PTGES: variants seen among roughly 807,000 people sequenced by gnomAD.
The protein encoded by PTGES is MGST1-like 1.
Under a neutral mutation model 11.8 loss-of-function variants are expected in PTGES, and 3 were observed. That is an observed-to-expected ratio of 0.25 (90% CI 0.12 to 0.66). PTGES has a LOEUF of 0.66. Ranked by LOEUF, PTGES falls within the 30% of genes least tolerant of loss-of-function variation. The pLI is 0.82. For synonymous variants in PTGES, 94 were observed against 90.4 expected (o/e 1.04, Z -0.22); for missense variants, 180 against 213.0 (o/e 0.85, Z 0.96).
rs113731267 is a variant in PTGES, at chr9:129,748,345, C to T, written c.209+310G>A. ...CAAATCTCTGTGGGAAGATGCATGG[C>T]CATTGGCAGGAGTGTTTGCCCCTGG... On this transcript the variant is annotated intron_variant, in intron 2 of 2. Transcript: ENST00000340607. Among the ~76,000 whole-genome samples, 173 of 152,156 alleles carry T rather than the reference C, an allele frequency of 1.1e-3. 1 individual carries two copies. The highest frequency in any genetic ancestry group is 3.8e-3 in the African/African-American group (158 of 41,492).
At chr9:129,743,585 G>T (rs2130951281) in intron 2 of PTGES, among the ~76,000 whole-genome samples, 1 of 152,318 alleles carries the variant, frequency 6.6e-6, no homozygotes, top group East Asian at 1.9e-4. Context: ...CCAGGACAGG[G>T]ACAGCTGCTG....
At chr9:129,750,723 G>A (rs1053518836) in intron 1 of PTGES, among the ~76,000 whole-genome samples, 1 of 152,162 alleles carries the variant, frequency 6.6e-6, no homozygotes, top group Non-Finnish European at 1.5e-5. Context: ...GACAAACATT[G>A]GTGGGGCGTT....
At chr9:129,746,222 C>G (rs905203247) in intron 2 of PTGES, among the ~76,000 whole-genome samples, 19 of 152,064 alleles carry the variant, frequency 1.2e-4, no homozygotes, top group African/African-American at 4.6e-4. Context: ...CTGGGAGGAG[C>G]CAAAACGCAT....
At chr9:129,750,373 C>A (rs1477550241) in intron 1 of PTGES, among the ~76,000 whole-genome samples, 1 of 152,238 alleles carries the variant, frequency 6.6e-6, no homozygotes, top group African/African-American at 2.4e-5. Flanking sequence ...GAGATTGGAA[C>A]CTTCACACCC....
rs1363950347 is a variant in PTGES at position 129,739,843 on chromosome 9, A to G, written c.227T>C (p.Met76Thr). The G allele has an allele frequency of 1.3e-6, 2 of 1,569,168 alleles. No homozygotes were observed. The highest frequency in any genetic ancestry group is 1.2e-5 in the South Asian group (1 of 85,170). The change falls in exon 3 of 3, where the codon ATG becomes ACG. Residue 76 changes from methionine (M) to threonine (T), a missense_variant. Met to Thr is a moderately conservative substitution (Grantham distance 81, BLOSUM62 -1). Transcript: ENST00000340607. This position sits in a 1 kb window ranked among gnomAD's most constrained non-coding sequence, Gnocchi z 5.7. ...ERCLRAHRNDMETIYPFLFLG... is the reference protein window; with the variant it reads ...ERCLRAHRNDTETIYPFLFLG... ...GAAAAGGAAGGGGTAGATGGTCTCC[A>G]TGTCGTTCCGGTGGGCCCTGGGGAG...
chr9:129,748,690 A>G lies in PTGES; in HGVS notation c.174T>C (p.Tyr58=), dbSNP rs1833071296. Residue 58 remains tyrosine (Y), a synonymous_variant, in exon 2 of 3, where the codon TAT becomes TAC. Coordinates refer to ENST00000340607, the MANE Select transcript of PTGES (RefSeq NM_004878.5). ...EDALRHGGPQ[Y]CRSDPDVERC... ...GTTCCACGTCGGGGTCGCTCCTGCA[A>G]TACTGGGGGCCTCCGTGTCTCAGGG... 1 of 1,587,508 alleles carries G rather than the reference A, an allele frequency of 6.3e-7. No individual in the cohort carries two copies. Among genetic ancestry groups the G allele is most frequent in the South Asian group, 1.1e-5 (1 of 87,270 alleles).
chr9:129,752,510 G>A (rs549011431), intron 1 of PTGES, among the ~76,000 whole-genome samples: 7 of 152,316 alleles, frequency 4.6e-5, no homozygotes, highest in Admixed American at 2.6e-4. Context: ...CTGTTTTGCC[G>A]GTTCCCACTC....
chr9:129,745,203 G>A lies in PTGES; in HGVS notation c.209+3452C>T, dbSNP rs1833038808. 6.6e-6 allele frequency among the ~76,000 whole-genome samples: 1 copy of A among 152,188 alleles called. No individual in the cohort carries two copies. Among genetic ancestry groups the A allele is most frequent in the South Asian group, 2.1e-4 (1 of 4,826 alleles). On this transcript the variant is annotated intron_variant, in intron 2 of 2. Coordinates refer to ENST00000340607, the MANE Select transcript of PTGES (RefSeq NM_004878.5). The surrounding 1 kb of genome is among the most constrained non-coding windows in gnomAD (Gnocchi z 4.2). Reference sequence around the variant, plus strand: ...ACCACACAGGTAACCCCTCCGTGCAGTTCCACACACCCAACCTCAGATTCT... The same window carrying A: ...ACCACACAGGTAACCCCTCCGTGCAATTCCACACACCCAACCTCAGATTCT...
rs71385459 is a variant in PTGES, at chr9:129,738,410, A to AACACACACACAC, written c.*1189_*1200dup. 6.6e-4 allele frequency: 91 copies of AACACACACACAC among 138,412 alleles called. 2 individuals are homozygous for AACACACACACAC. Among genetic ancestry groups the AACACACACACAC allele is most frequent in the African/African-American group, 1.8e-3 (65 of 37,094 alleles). 8.6% of individuals were successfully genotyped at this position (138,412 alleles called of 1,614,324 possible). A position where few individuals can be genotyped will look rare whatever the true frequency, so the allele number is the denominator to read the frequency against. ...ATCTCAGGTCACGGGTCTAGGAGAA[A>AACACACACACAC]ACACACACACACACACACACACACA... On this transcript the variant is annotated 3_prime_UTR_variant, in exon 3 of 3. Transcript: ENST00000340607. The surrounding 1 kb of genome is among the most constrained non-coding windows in gnomAD (Gnocchi z 4.2).
intron 1 of PTGES, among the ~76,000 whole-genome samples, chr9:129,750,323 G>A (rs550179163): frequency 6.6e-6 from 1 of 152,302 alleles, no homozygotes; most frequent in African/African-American, 2.4e-5. Context: ...TGGTGGGCCT[G>A]CCCTGCCCTA....
At chr9:129,751,245 C>T (rs932275452) in intron 1 of PTGES, among the ~76,000 whole-genome samples, 1 of 151,724 alleles carries the variant, frequency 6.6e-6, no homozygotes, top group Non-Finnish European at 1.5e-5. Context: ...ATCACCTGAG[C>T]CCAGGAAGTC....
intron 2 of PTGES, among the ~76,000 whole-genome samples, chr9:129,746,373 A>G (rs1196139431): frequency 6.6e-6 from 1 of 152,162 alleles, no homozygotes; most frequent in African/African-American, 2.4e-5. Flanking sequence ...GAAGTCATGT[A>G]TGGAGAAGGC....
In PTGES at chr9:129,752,917, G is replaced by T. The variant is rs200816823; in HGVS notation, c.96C>A (p.Ile32=). 23 of 1,613,880 alleles carry T rather than the reference G, an allele frequency of 1.4e-5. No homozygotes were observed. In the East Asian group the frequency reaches 2.7e-4, roughly 19 times the overall value. The change falls in exon 1 of 3, where the codon ATC becomes ATA. Residue 32 remains isoleucine, a synonymous_variant. Coordinates refer to ENST00000340607, the MANE Select transcript of PTGES (RefSeq NM_004878.5). ...TCCGCAGCCTCACTTGGCCCGTGAT[G>T]ATGGCCACCACGTACATCTTGATGA... ...LLVIKMYVVA[I]ITGQVRLRKK... is the part of the protein sequence containing the mutation.
chr9:129,752,363 G>A (rs1833120645), intron 1 of PTGES, among the ~76,000 whole-genome samples: 1 of 152,192 alleles, frequency 6.6e-6, no homozygotes, highest in Non-Finnish European at 1.5e-5. Flanking sequence ...TGGTTCAGGG[G>A]CTCGGATTAG....
chr9:129,752,269 A>C (rs972195411), intron 1 of PTGES, among the ~76,000 whole-genome samples: 1 of 152,226 alleles, frequency 6.6e-6, no homozygotes, highest in African/African-American at 2.4e-5. Context: ...AGCTCAGCCT[A>C]TGACTTTGCA....
intron 2 of PTGES, among the ~76,000 whole-genome samples, chr9:129,740,473 T>G (rs1469846610): frequency 6.6e-6 from 1 of 152,158 alleles, no homozygotes; most frequent in African/African-American, 2.4e-5. Flanking sequence ...CCACCTGTCC[T>G]TTCAGGGACA....
At chr9:129,743,248 C>T (rs1379733824) in intron 2 of PTGES, among the ~76,000 whole-genome samples, 1 of 152,172 alleles carries the variant, frequency 6.6e-6, no homozygotes, top group African/African-American at 2.4e-5. Flanking sequence ...GCAGAGGGGC[C>T]CCTCCGAGGC....
chr9:129,740,298 G>C (rs1014011937), intron 2 of PTGES, among the ~76,000 whole-genome samples: 4 of 152,186 alleles, frequency 2.6e-5, no homozygotes, highest in Non-Finnish European at 5.9e-5. Context: ...ACTGGAGTTT[G>C]TGCTCTTTAC....
At chr9:129,740,878 G>T (rs145562888) in intron 2 of PTGES, among the ~76,000 whole-genome samples, 4 of 152,194 alleles carry the variant, frequency 2.6e-5, no homozygotes, top group African/African-American at 9.6e-5. Flanking sequence ...CGCGTGTGAG[G>T]TGCAGGAACA....
Sources: gnomAD v4.1 joint callset for allele counts (sites outside exome capture counted in the v4.1 genomes callset) on GRCh38, gnomAD v4.1.1 for gene constraint, Gnocchi (gnomAD v3.1) non-coding constraint, MANE v1.5 for transcripts, NCBI Gene and HGNC (gene_info 2026-07-23, HGNC 2026-07-21) for gene names.